The following ASB15 variants were observed in gnomAD, a reference collection of about 807,000 sequenced individuals.
ASB15 encodes ankyrin repeat and SOCS box protein 15.
A neutral mutation model predicts 58.0 loss-of-function variants in ASB15; 54 were observed. That is an observed-to-expected ratio of 0.93 (90% CI 0.75 to 1.17). The LOEUF is 1.17. Among genes scored for constraint, ASB15 ranks in the 50% most tolerant of loss-of-function variants. The pLI is 0.00. For synonymous variants in ASB15, 249 were observed against 262.4 expected (o/e 0.95, Z 0.50); for missense variants, 680 against 707.4 (o/e 0.96, Z 0.44).
At chr7:123,576,377 T>C (rs1262964076) in intron 1 of ASB15, among the ~76,000 whole-genome samples, 2 of 152,124 alleles carry the variant, frequency 1.3e-5, no homozygotes, top group African/African-American at 2.4e-5. Flanking sequence ...AAATATATGA[T>C]CATAATTTTC....
At chr7:123,577,384 G>A (rs1263034489) in intron 1 of ASB15, among the ~76,000 whole-genome samples, 1 of 152,040 alleles carries the variant, frequency 6.6e-6, no homozygotes, top group Non-Finnish European at 1.5e-5. Context: ...TTCTGTAACT[G>A]GCCCAGTTTC....
At chr7:123,600,925 G>C (rs543291884), upstream of ASB15, among the ~76,000 whole-genome samples, 2 of 152,230 alleles carry the variant, frequency 1.3e-5, no homozygotes, top group Admixed American at 6.5e-5. Context: ...TCAGGAAAAA[G>C]GGAAGAATCA....
rs1434336144 is a variant in ASB15 at position 123,620,497 on chromosome 7, CATATACATACATATATATATATATATAT to C, written c.451+2766_451+2793del. Among the ~76,000 whole-genome samples, 5 of 66,254 alleles carry C rather than the reference CATATACATACATATATATATATATATAT, an allele frequency of 7.5e-5. No individual in the cohort carries two copies. The East Asian group carries it at 1.6e-3, about 21-fold the overall frequency. The allele number at this position is 66,254 out of a possible 152,430, so 43.5% of individuals were successfully genotyped here. A position where few individuals can be genotyped will look rare whatever the true frequency, so the allele number is the denominator to read the frequency against. On this transcript the variant is annotated intron_variant, in intron 7 of 11. Transcript: ENST00000451215. ...TTGATTCACCACTAGTAATGTGACA[CATATACATACATATATATATATATATAT>C]ATATATATATATATATATATATATA... is the stretch of plus-strand genomic sequence containing the variant.
intron 1 of ASB15, among the ~76,000 whole-genome samples, chr7:123,581,380 G>A (rs1345336779): frequency 3.5e-5 from 5 of 142,430 alleles, no homozygotes; most frequent in African/African-American, 1.3e-4. Context: ...GAGTGTGGGA[G>A]TGAAAACAAA....
At chr7:123,576,390 C>G (rs923500986) in intron 1 of ASB15, among the ~76,000 whole-genome samples, 7 of 151,916 alleles carry the variant, frequency 4.6e-5, no homozygotes, top group Non-Finnish European at 8.8e-5. Flanking sequence ...TAATTTTCAT[C>G]TGTTCAATGG....
chr7:123,574,851 CTTTT>C (rs967111949), intron 1 of ASB15, among the ~76,000 whole-genome samples: 4 of 152,102 alleles, frequency 2.6e-5, no homozygotes, highest in Middle Eastern at 3.4e-3. Context: ...CCAAAGTACT[CTTTT>C]TATTTTTTCT....
intron 8 of ASB15, among the ~76,000 whole-genome samples, chr7:123,626,358 G>C (rs940552731): frequency 2.6e-5 from 4 of 152,286 alleles, no homozygotes; most frequent in African/African-American, 9.6e-5. Context: ...TGCAATCCCA[G>C]CTACTCAGGA....
intron 9 of ASB15, 144 bp downstream of exon 9, chr7:123,627,425 T>C (rs892793068): frequency 8.2e-6 from 5 of 608,040 alleles, no homozygotes; most frequent in Non-Finnish European, 1.3e-5. Flanking sequence ...CAAATTTAGA[T>C]ATTTAGAACT....
At chr7:123,620,603 G>A (rs1209035580) in intron 7 of ASB15, among the ~76,000 whole-genome samples, 2 of 96,488 alleles carry the variant, frequency 2.1e-5, no homozygotes, top group African/African-American at 4.2e-5. Context: ...ACAGAGTCTC[G>A]CTCTGTCGCC....
intron 1 of ASB15, among the ~76,000 whole-genome samples, chr7:123,583,005 C>T (rs775192665): frequency 3.9e-5 from 6 of 151,900 alleles, no homozygotes; most frequent in Admixed American, 2.0e-4. Context: ...ATTTTTATAG[C>T]AGGCAAAGAG....
At chr7:123,578,945 C>T (rs1799147475) in intron 1 of ASB15, among the ~76,000 whole-genome samples, 1 of 151,886 alleles carries the variant, frequency 6.6e-6, no homozygotes, top group South Asian at 2.1e-4. Context: ...GGTACATATG[C>T]AGGTTTGTTA....
At chr7:123,609,666 T>C (rs935251679) in intron 3 of ASB15, among the ~76,000 whole-genome samples, 1 of 152,166 alleles carries the variant, frequency 6.6e-6, no homozygotes, top group Admixed American at 6.5e-5. Flanking sequence ...AAACAATACA[T>C]GAGGAAGAAA....
chr7:123,573,188 G>A (rs1798963587), intron 1 of ASB15, among the ~76,000 whole-genome samples: 1 of 151,508 alleles, frequency 6.6e-6, no homozygotes, highest in African/African-American at 2.4e-5. Context: ...TCTCCCCACA[G>A]GCAAGAGTTA....
chr7:123,603,227 T>C (rs938429841), intron 1 of ASB15, among the ~76,000 whole-genome samples: 1 of 152,170 alleles, frequency 6.6e-6, no homozygotes, highest in Non-Finnish European at 1.5e-5. Context: ...ATGGATCCCA[T>C]ATATATGTGT....
At chr7:123,589,339 ACTTT>A (rs1199025774) in intron 1 of ASB15, among the ~76,000 whole-genome samples, 2 of 146,526 alleles carry the variant, frequency 1.4e-5, no homozygotes, top group Admixed American at 6.7e-5. Flanking sequence ...TTATTATTAT[ACTTT>A]AAGTTCAAGG....
chr7:123,568,647 C>T (rs1338802478), intron 1 of ASB15, among the ~76,000 whole-genome samples: 2 of 152,192 alleles, frequency 1.3e-5, no homozygotes, highest in East Asian at 3.9e-4. Flanking sequence ...TGTTGCTCCT[C>T]ATTTAAAAGC....
chr7:123,617,796 G>T, intron 7 of ASB15, 59 bp downstream of exon 7: 1 of 1,484,980 alleles, frequency 6.7e-7, no homozygotes. Flanking sequence ...AGTATTTATT[G>T]GAAACCACTG....
rs78877331 is a variant in ASB15, at chr7:123,627,960, C to T, written c.869+679C>T. Among the ~76,000 whole-genome samples, 247 of 152,256 alleles carry T rather than the reference C, an allele frequency of 1.6e-3. 1 individual carries two copies. The highest frequency in any genetic ancestry group is 4.3e-3 in the African/African-American group (180 of 41,552). On this transcript the variant is annotated intron_variant, in intron 9 of 11. Transcript: ENST00000451215. ...GGGCCATTGGCTAAGTGGCCAGTGA[C>T]GCATAATTGATGCTAAGTGACATGT...
intron 7 of ASB15, among the ~76,000 whole-genome samples, chr7:123,623,944 A>G (rs1333969460): frequency 0.12 from 7,645 of 65,162 alleles, 600 homozygotes; most frequent in Non-Finnish European, 0.15. Flanking sequence ...AGAAAGAAAG[A>G]AAGAAAGAAA....
Sources: gnomAD v4.1 joint callset for allele counts (sites outside exome capture counted in the v4.1 genomes callset) on GRCh38, gnomAD v4.1.1 for gene constraint, MANE v1.5 for transcripts, NCBI Gene and HGNC (gene_info 2026-07-23, HGNC 2026-07-21) for gene names.